IMMP2L: variants seen among roughly 807,000 people sequenced by gnomAD.
The protein encoded by IMMP2L is inner mitochondrial membrane peptidase subunit 2.
Under a neutral mutation model 19.3 loss-of-function variants are expected in IMMP2L, and 18 were observed. That is an observed-to-expected ratio of 0.93 (90% CI 0.64 to 1.38). The LOEUF is 1.38. IMMP2L is among the 40% of genes most tolerant of loss of function. The probability of loss-of-function intolerance (pLI) is 0.00; values close to 1 mark genes in which losing one functional copy is unlikely to be tolerated. For missense variants in IMMP2L, 233 were observed against 218.2 expected, an observed-to-expected ratio of 1.07 and a Z score of -0.43; for synonymous variants, 76 against 73.0, an observed-to-expected ratio of 1.04 and a Z score of -0.21.
chr7:110,739,364 G>A lies in IMMP2L; in HGVS notation c.409-75643C>T, dbSNP rs746843996. ...TCACATAAACTTAAGGTAAAGGGGC[G>A]GAAAAAGACATTCCATGCAAATGGA... On this transcript the variant is annotated intron_variant, in intron 5 of 5. Coordinates refer to ENST00000405709, the MANE Select transcript of IMMP2L (RefSeq NM_032549.4). Among the ~76,000 whole-genome samples the A allele has an allele frequency of 1.5e-3, 223 of 152,104 alleles. 1 individual carries two copies. Among genetic ancestry groups the A allele is most frequent in the Middle Eastern group, 6.8e-3 (2 of 294 alleles).
intron 3 of IMMP2L, among the ~76,000 whole-genome samples, chr7:111,341,052 C>T (rs998782168): frequency 8.6e-5 from 13 of 152,028 alleles, no homozygotes; most frequent in African/African-American, 3.1e-4. Flanking sequence ...GTATGATATA[C>T]TTCAATTTTT....
intron 3 of IMMP2L, among the ~76,000 whole-genome samples, chr7:111,323,508 T>G (rs1354854555): frequency 6.6e-6 from 1 of 152,032 alleles, no homozygotes; most frequent in African/African-American, 2.4e-5. Context: ...CTGGAGAAGA[T>G]ATGGAGAAAT....
chr7:110,697,463 T>G (rs756113563), intron 5 of IMMP2L, among the ~76,000 whole-genome samples: 1 of 152,318 alleles, frequency 6.6e-6, no homozygotes, highest in Admixed American at 6.5e-5. Context: ...ATTTTGTTGG[T>G]TTACAGTGTT....
chr7:111,093,571 T>C lies in IMMP2L; in HGVS notation c.240-130006A>G, dbSNP rs569831434. Among the ~76,000 whole-genome samples, 6 of 152,292 alleles carry C rather than the reference T, an allele frequency of 3.9e-5. No individual in the cohort carries two copies. The East Asian group carries it at 1.2e-3, about 29-fold the overall frequency. The stretch of plus-strand genomic sequence containing the variant: ...AAATCTAACCCGCCTTATTTTAAAA[T>C]TGCAATAGATGACACCTAAGAACAG... On this transcript the variant is annotated intron_variant, in intron 3 of 5. Transcript: ENST00000405709.
intron 4 of IMMP2L, among the ~76,000 whole-genome samples, chr7:110,898,378 G>A (rs1201685212): frequency 6.6e-6 from 1 of 152,058 alleles, no homozygotes; most frequent in African/African-American, 2.4e-5. Flanking sequence ...GATGAATCAA[G>A]TTCATGGAAA....
At chr7:111,554,681 A>G (rs573984624) in intron 1 of IMMP2L, among the ~76,000 whole-genome samples, 3 of 152,036 alleles carry the variant, frequency 2.0e-5, no homozygotes, top group Middle Eastern at 3.4e-3. Flanking sequence ...GGAGTGCAGT[A>G]CCACATTCTC....
At chr7:111,033,416 T>A (rs2129569322) in intron 3 of IMMP2L, among the ~76,000 whole-genome samples, 1 of 152,256 alleles carries the variant, frequency 6.6e-6, no homozygotes, top group South Asian at 2.1e-4. Flanking sequence ...GTTTGGCAGT[T>A]TCTAACAAAA....
intron 3 of IMMP2L, chr7:111,124,329 A>C (rs1307042940): frequency 6.2e-7 from 1 of 1,613,794 alleles, no homozygotes; most frequent in Non-Finnish European, 8.5e-7. Context: ...CTTTTCCACA[A>C]GATAACAATG....
chr7:111,548,789 C>A (rs914981742), intron 1 of IMMP2L, among the ~76,000 whole-genome samples: 1 of 152,170 alleles, frequency 6.6e-6, no homozygotes, highest in African/African-American at 2.4e-5. Context: ...TATTTCTATT[C>A]TCTTCCCAAG....
chr7:111,392,874 G>A (rs1832504885), intron 3 of IMMP2L: 1 of 456,320 alleles, frequency 2.2e-6, no homozygotes, highest in Non-Finnish European at 4.4e-6. Context: ...GTCTGGAAGG[G>A]TCCAGAGCAT....
chr7:110,780,694 TA>T (rs926943570), intron 5 of IMMP2L, among the ~76,000 whole-genome samples: 3 of 151,402 alleles, frequency 2.0e-5, no homozygotes, highest in Non-Finnish European at 3.0e-5. Context: ...ATCAGCTGAT[TA>T]AAAAAAAATC....
intron 5 of IMMP2L, among the ~76,000 whole-genome samples, chr7:110,752,254 A>C (rs1797771448): frequency 6.6e-6 from 1 of 152,020 alleles, no homozygotes; most frequent in Admixed American, 6.6e-5. Context: ...ACTGATGGTA[A>C]TTACAATAGA....
intron 4 of IMMP2L, among the ~76,000 whole-genome samples, chr7:110,931,738 ATCT>A (rs1024467850): frequency 1.5e-4 from 23 of 152,092 alleles, no homozygotes; most frequent in African/African-American, 3.9e-4. Flanking sequence ...GTGGCTTCCT[ATCT>A]TACTTAAAGT....
chr7:111,126,262 T>A (rs144474500), intron 3 of IMMP2L, among the ~76,000 whole-genome samples: 1 of 152,324 alleles, frequency 6.6e-6, no homozygotes, highest in African/African-American at 2.4e-5. Flanking sequence ...TAATTTACTA[T>A]ATTGAAACAT....
chr7:110,682,511 A>C (rs1274331798), intron 5 of IMMP2L, among the ~76,000 whole-genome samples: 7 of 152,156 alleles, frequency 4.6e-5, no homozygotes, highest in Non-Finnish European at 1.0e-4. Context: ...GAAAATGTAG[A>C]TTGGACACAA....
At chr7:111,253,173 A>C (rs1300644484) in intron 3 of IMMP2L, among the ~76,000 whole-genome samples, 1 of 152,198 alleles carries the variant, frequency 6.6e-6, no homozygotes, top group African/African-American at 2.4e-5. Context: ...AACATCTGTT[A>C]TTCCTCCATT....
intron 4 of IMMP2L, among the ~76,000 whole-genome samples, chr7:110,890,168 CT>C (rs1385431497): frequency 1.3e-5 from 2 of 152,036 alleles, no homozygotes; most frequent in South Asian, 2.1e-4. Context: ...TACAATCAAT[CT>C]TTTTTTTCTT....
At chr7:111,028,831 G>T (rs1439875665) in intron 3 of IMMP2L, among the ~76,000 whole-genome samples, 1 of 152,108 alleles carries the variant, frequency 6.6e-6, no homozygotes, top group African/African-American at 2.4e-5. Flanking sequence ...CATATAAAAT[G>T]ATTGGATTTG....
chr7:111,555,087 T>C (rs1451830878), intron 1 of IMMP2L, among the ~76,000 whole-genome samples: 1 of 152,156 alleles, frequency 6.6e-6, no homozygotes, highest in African/African-American at 2.4e-5. Context: ...CCTATGTTAC[T>C]CATCCTTCCT....
Sources: gnomAD v4.1 joint callset for allele counts (sites outside exome capture counted in the v4.1 genomes callset) on GRCh38, gnomAD v4.1.1 for gene constraint, MANE v1.5 for transcripts, NCBI Gene and HGNC (gene_info 2026-07-23, HGNC 2026-07-21) for gene names.